The following CPA6 variants were observed in gnomAD, a reference collection of about 807,000 sequenced individuals.
The protein encoded by CPA6 is carboxypeptidase A6, also known as carboxypeptidase B.
In CPA6, 58 loss-of-function variants were observed where a neutral mutation model predicts 63.3. The ratio of observed to expected loss-of-function variants is 0.92; its 90% confidence interval spans 0.74 to 1.14. CPA6 has a LOEUF of 1.14. Among genes scored for constraint, CPA6 ranks in the 50% most tolerant of loss-of-function variants. CPA6 has a pLI of 0.00. For missense variants in CPA6, 565 were observed against 526.6 expected, an observed-to-expected ratio of 1.07 and a Z score of -0.71; for synonymous variants, 185 against 179.0, an observed-to-expected ratio of 1.03 and a Z score of -0.27.
intron 1 of CPA6, among the ~76,000 whole-genome samples, chr8:67,642,317 CAAA>C (rs34398433): frequency 0.032 from 4,359 of 135,834 alleles, 76 homozygotes; most frequent in South Asian, 0.085. Flanking sequence ...GACTCCATCT[CAAA>C]AAAAAAAAAA....
At chr8:67,601,688 C>T (rs776654700) in intron 2 of CPA6, among the ~76,000 whole-genome samples, 13 of 152,070 alleles carry the variant, frequency 8.5e-5, no homozygotes, top group Non-Finnish European at 1.9e-4. Flanking sequence ...ACTCATTATT[C>T]GGTCTATTTT....
At chr8:67,445,335 G>T (rs1810387727) in intron 8 of CPA6, among the ~76,000 whole-genome samples, 2 of 152,138 alleles carry the variant, frequency 1.3e-5, no homozygotes, top group African/African-American at 4.8e-5. Context: ...GATGTGAATG[G>T]GTGGAATCAG....
chr8:67,575,209 G>A (rs1813592348), intron 2 of CPA6, among the ~76,000 whole-genome samples: 1 of 152,162 alleles, frequency 6.6e-6, no homozygotes, highest in Non-Finnish European at 1.5e-5. Flanking sequence ...CTGATAGGAT[G>A]GCTATTACCA....
intron 1 of CPA6, among the ~76,000 whole-genome samples, chr8:67,678,383 C>A (rs1369279314): frequency 6.6e-6 from 1 of 152,102 alleles, no homozygotes; most frequent in Middle Eastern, 3.4e-3. Context: ...AACATATATC[C>A]AACGAGGCCT....
intron 1 of CPA6, among the ~76,000 whole-genome samples, chr8:67,625,182 T>C (rs1295531422): frequency 6.6e-6 from 1 of 152,126 alleles, no homozygotes; most frequent in African/African-American, 2.4e-5. Flanking sequence ...TTGATACTTT[T>C]TGATAGGCCT....
At chr8:67,666,430 G>A (rs1313609303) in intron 1 of CPA6, among the ~76,000 whole-genome samples, 1 of 152,106 alleles carries the variant, frequency 6.6e-6, no homozygotes, top group Non-Finnish European at 1.5e-5. Context: ...GGTGGGGAGG[G>A]GGGCACTCTC....
At position 67,536,337 on chromosome 8, in the gene CPA6, C is replaced by G. The variant is rs112169415; in HGVS notation, c.193-18290G>C. ...TTCTTCCTATCCATGAGCATGGAAT[C>G]TTTTTCCATTTGTTTGTGTCCTTTC... On this transcript the variant is annotated intron_variant, in intron 2 of 10. Transcript: ENST00000297770. Among the ~76,000 whole-genome samples the G allele has an allele frequency of 9.2e-3, 1,402 of 152,198 alleles. 26 individuals carry two copies. The highest frequency in any genetic ancestry group is 0.031 in the African/African-American group (1,303 of 41,550).
intron 2 of CPA6, among the ~76,000 whole-genome samples, chr8:67,620,004 C>T (rs980560537): frequency 2.0e-5 from 3 of 152,206 alleles, no homozygotes; most frequent in African/African-American, 7.2e-5. Context: ...GGTCCTATAA[C>T]AGTGTCCGCT....
At chr8:67,744,510 T>C (rs1337504889) in intron 1 of CPA6, among the ~76,000 whole-genome samples, 2 of 152,146 alleles carry the variant, frequency 1.3e-5, no homozygotes, top group African/African-American at 4.8e-5. Flanking sequence ...CTGGTAACTT[T>C]TCACGGAGGA....
rs185304668 is a variant in CPA6 at position 67,672,322 on chromosome 8, C to T, written c.117-48071G>A. On this transcript the variant is annotated intron_variant, in intron 1 of 10. Transcript: ENST00000297770. ...CTTTGAACTCATTTTCATTCCACTC[C>T]GTGTGTAAAATTTTCTTCCAATGCG... Among the ~76,000 whole-genome samples the T allele has an allele frequency of 3.0e-3, 457 of 152,182 alleles. 1 individual carries two copies. The highest frequency in any genetic ancestry group is 5.0e-3 in the South Asian group (24 of 4,820).
rs541199079 is a variant in CPA6 at position 67,691,026 on chromosome 8, T to C, written c.116+54988A>G. 4.4e-4 allele frequency among the ~76,000 whole-genome samples: 67 copies of C among 152,348 alleles called. 1 individual carries two copies. The Middle Eastern group carries it at 0.014, about 31-fold the overall frequency. On this transcript the variant is annotated intron_variant, in intron 1 of 10. Coordinates refer to ENST00000297770, the MANE Select transcript of CPA6 (RefSeq NM_020361.5). Reference sequence around the variant, plus strand: ...AAAGGCATTCCCTGACGGAAAACTTTCTGTACATTAACTTGAAAATTACAT... The same window carrying C: ...AAAGGCATTCCCTGACGGAAAACTTCCTGTACATTAACTTGAAAATTACAT...
chr8:67,743,282 T>C (rs1312345424), intron 1 of CPA6, among the ~76,000 whole-genome samples: 1 of 152,218 alleles, frequency 6.6e-6, no homozygotes, highest in African/African-American at 2.4e-5. Flanking sequence ...CAGATTTTTC[T>C]TGTAGTCTTT....
At chr8:67,605,995 TA>T in intron 2 of CPA6, among the ~76,000 whole-genome samples, 1 of 152,094 alleles carries the variant, frequency 6.6e-6, no homozygotes, top group Non-Finnish European at 1.5e-5. Flanking sequence ...CTCCTACCTG[TA>T]AAAAGGCTAT....
At chr8:67,542,640 G>T (rs1291035204) in intron 2 of CPA6, among the ~76,000 whole-genome samples, 2 of 152,158 alleles carry the variant, frequency 1.3e-5, no homozygotes, top group African/African-American at 4.8e-5. Context: ...ATATCAAAAG[G>T]ATATCAAATT....
chr8:67,678,962 C>CT, intron 1 of CPA6, among the ~76,000 whole-genome samples: 1 of 152,226 alleles, frequency 6.6e-6, no homozygotes, highest in Non-Finnish European at 1.5e-5. Flanking sequence ...AAAACTCAGA[C>CT]AGAAAGAGTT....
intron 9 of CPA6, among the ~76,000 whole-genome samples, chr8:67,429,429 G>A (rs1809969457): frequency 6.6e-6 from 1 of 152,166 alleles, no homozygotes; most frequent in Non-Finnish European, 1.5e-5. Flanking sequence ...TTAAATTGGA[G>A]CACTCCGGAC....
chr8:67,511,716 C>A (rs941686652), intron 3 of CPA6, 61 bp from the exon 4 acceptor site: 3 of 945,950 alleles, frequency 3.2e-6, no homozygotes, highest in African/African-American at 1.6e-5. Flanking sequence ...AATCAGGCAA[C>A]ACCCAGAAAA....
intron 8 of CPA6, among the ~76,000 whole-genome samples, chr8:67,468,479 G>C (rs140955952): frequency 1.3e-5 from 2 of 151,786 alleles, no homozygotes; most frequent in Non-Finnish European, 2.9e-5. Context: ...CCAGCTACTC[G>C]GGAGGCTGAG....
At chr8:67,605,224 C>A (rs1814601673) in intron 2 of CPA6, among the ~76,000 whole-genome samples, 1 of 152,004 alleles carries the variant, frequency 6.6e-6, no homozygotes, top group Admixed American at 6.6e-5. Context: ...TAGAGTATTC[C>A]ATTTAGATCT....
Sources: allele counts gnomAD v4.1 joint callset (sites outside exome capture counted in the v4.1 genomes callset), GRCh38; gene constraint gnomAD v4.1.1; transcripts MANE v1.5; gene names NCBI Gene and HGNC (gene_info 2026-07-23, HGNC 2026-07-21).